Variants in PEBP4 observed in about 807,000 individuals in gnomAD.
PEBP4 encodes the protein phosphatidylethanolamine-binding protein 4.
A neutral mutation model predicts 23.9 loss-of-function variants in PEBP4; 22 were observed. That is an observed-to-expected ratio of 0.92 (90% confidence interval 0.66 to 1.31). PEBP4 has a LOEUF of 1.31. Among genes scored for constraint, PEBP4 ranks in the 40% most tolerant of loss-of-function variants. The pLI, the probability that PEBP4 is intolerant of heterozygous loss-of-function variation, is 0.00. For synonymous variants in PEBP4, 112 were observed against 99.3 expected (o/e 1.13, Z -0.76); for missense variants, 324 against 281.7 (o/e 1.15, Z -1.07).
At chr8:22,869,812 CATG>C (rs1234559301) in intron 3 of PEBP4, among the ~76,000 whole-genome samples, 1 of 152,166 alleles carries the variant, frequency 6.6e-6, no homozygotes, top group Non-Finnish European at 1.5e-5. Context: ...AAAAGGTGCT[CATG>C]ATATGTCACT....
intron 4 of PEBP4, among the ~76,000 whole-genome samples, chr8:22,745,164 A>G (rs1362566432): frequency 1.3e-5 from 2 of 152,174 alleles, no homozygotes; most frequent in Non-Finnish European, 2.9e-5. Context: ...GCCCGTCTAG[A>G]TCTTCCCAGC....
chr8:22,759,825 C>T lies in PEBP4; in HGVS notation c.358-32605G>A, dbSNP rs1037163653. 5.9e-5 allele frequency among the ~76,000 whole-genome samples: 9 copies of T among 152,234 alleles called. No homozygotes were observed. In the South Asian group the frequency reaches 1.2e-3, roughly 21 times the overall value. Reference sequence around the variant, plus strand: ...GAAGGGCTCAACTGGGAACAGCCTCCCAGGCTGCAACATAGCAGTGTGACA... The same window carrying T: ...GAAGGGCTCAACTGGGAACAGCCTCTCAGGCTGCAACATAGCAGTGTGACA... On this transcript the variant is annotated intron_variant, in intron 4 of 6. Transcript: ENST00000256404.
intron 4 of PEBP4, among the ~76,000 whole-genome samples, chr8:22,736,917 C>T (rs1485108674): frequency 6.6e-6 from 1 of 152,180 alleles, no homozygotes; most frequent in Non-Finnish European, 1.5e-5. Context: ...TTCTTGTCTT[C>T]TTATGTGATT....
chr8:22,827,300 A>AT (rs1316833256), intron 3 of PEBP4, among the ~76,000 whole-genome samples: 1 of 152,220 alleles, frequency 6.6e-6, no homozygotes, highest in African/African-American at 2.4e-5. Context: ...TTTTAAAAAA[A>AT]TGTACAAAGT....
At chr8:22,725,395 C>A (rs989720231) in intron 5 of PEBP4, among the ~76,000 whole-genome samples, 2 of 151,528 alleles carry the variant, frequency 1.3e-5, no homozygotes, top group African/African-American at 4.8e-5. Context: ...CCCAAAGAAG[C>A]CAATTTCTTG....
chr8:22,721,883 C>A (rs560868559), intron 6 of PEBP4, among the ~76,000 whole-genome samples: 3 of 152,268 alleles, frequency 2.0e-5, no homozygotes, highest in Admixed American at 6.5e-5. Flanking sequence ...CTTCAGAGAG[C>A]ACCAGGCCCT....
At chr8:22,848,661 G>T (rs1008956598) in intron 3 of PEBP4, among the ~76,000 whole-genome samples, 3 of 152,156 alleles carry the variant, frequency 2.0e-5, no homozygotes, top group African/African-American at 4.8e-5. Context: ...AGGTGGGAGG[G>T]AGGAGAGAGA....
chr8:22,811,838 T>TG (rs1563224143), intron 4 of PEBP4, among the ~76,000 whole-genome samples: 1 of 152,234 alleles, frequency 6.6e-6, no homozygotes, highest in Non-Finnish European at 1.5e-5. Context: ...TGAGCTGTGT[T>TG]GGGCACTGTC....
chr8:22,934,908 T>C (rs1809513956), intron 1 of PEBP4, among the ~76,000 whole-genome samples: 1 of 152,030 alleles, frequency 6.6e-6, no homozygotes, highest in Admixed American at 6.6e-5. Flanking sequence ...ACAAATAGAT[T>C]GAAAGAGAAA....
rs1274068703 is a variant in PEBP4 at position 22,758,261 on chromosome 8, T to C, written c.358-31041A>G. 2.0e-5 allele frequency: 3 copies of C among 152,220 alleles called. No individual in the cohort carries two copies. In the East Asian group the frequency reaches 5.8e-4, roughly 29 times the overall value. The allele number at this position is 152,220 out of a possible 1,614,324, so 9.4% of individuals were successfully genotyped here. A position where few individuals can be genotyped will look rare whatever the true frequency, so the allele number is the denominator to read the frequency against. On this transcript the variant is annotated intron_variant, in intron 4 of 6. Coordinates refer to ENST00000256404, the MANE Select transcript of PEBP4 (RefSeq NM_144962.3). ...CATCCATCTTCCCTCCGGTGACCCT[T>C]TCACTTCGTGTCTGTGGTACCCAGT...
At chr8:22,728,424 G>A (rs1804660424) in intron 4 of PEBP4, among the ~76,000 whole-genome samples, 1 of 152,170 alleles carries the variant, frequency 6.6e-6, no homozygotes, top group Non-Finnish European at 1.5e-5. Context: ...GCAGGAGACT[G>A]TGGAAGGATA....
chr8:22,817,450 C>G (rs1170403276), intron 4 of PEBP4, among the ~76,000 whole-genome samples, 187 bp downstream of exon 4: 1 of 152,238 alleles, frequency 6.6e-6, no homozygotes, highest in Non-Finnish European at 1.5e-5. Context: ...CAGCATACCA[C>G]TGGCCCTGGG....
intron 4 of PEBP4, among the ~76,000 whole-genome samples, chr8:22,772,865 T>C (rs1805743160): frequency 6.6e-6 from 1 of 152,184 alleles, no homozygotes; most frequent in Non-Finnish European, 1.5e-5. Flanking sequence ...GGAAGGTCCT[T>C]GTGAAGGCCT....
At chr8:22,899,117 G>A (rs925554211) in intron 3 of PEBP4, among the ~76,000 whole-genome samples, 19 of 152,324 alleles carry the variant, frequency 1.2e-4, no homozygotes, top group African/African-American at 4.6e-4. Flanking sequence ...GGAAAATGGG[G>A]GAAGTAGCAG....
chr8:22,890,353 C>T (rs1808469060), intron 3 of PEBP4, among the ~76,000 whole-genome samples: 2 of 152,228 alleles, frequency 1.3e-5, no homozygotes, highest in African/African-American at 4.8e-5. Context: ...GCTGCTGGTC[C>T]ACGGACCACA....
chr8:22,857,913 C>T (rs1289058441), intron 3 of PEBP4, among the ~76,000 whole-genome samples: 1 of 152,128 alleles, frequency 6.6e-6, no homozygotes, highest in Non-Finnish European at 1.5e-5. Flanking sequence ...AGGAATTGTC[C>T]GTCACCTGAC....
chr8:22,821,316 CAGGGATT>C (rs1806852571), intron 3 of PEBP4, among the ~76,000 whole-genome samples: 1 of 152,164 alleles, frequency 6.6e-6, no homozygotes, highest in Admixed American at 6.5e-5. Flanking sequence ...AGAAAGACCA[CAGGGATT>C]TCCATTCAAA....
chr8:22,856,916 A>C (rs1807664785), intron 3 of PEBP4, among the ~76,000 whole-genome samples: 1 of 152,076 alleles, frequency 6.6e-6, no homozygotes, highest in Admixed American at 6.6e-5. Flanking sequence ...TCAATGTCCA[A>C]CAAAGGGGAA....
At chr8:22,733,773 A>C (rs1236081232) in intron 4 of PEBP4, among the ~76,000 whole-genome samples, 1 of 119,912 alleles carries the variant, frequency 8.3e-6, no homozygotes, top group Non-Finnish European at 1.7e-5. Flanking sequence ...GGTGAAATGT[A>C]GGGGTGGGGA....
Sources: gnomAD v4.1 joint callset for allele counts (sites outside exome capture counted in the v4.1 genomes callset) on GRCh38, gnomAD v4.1.1 for gene constraint, MANE v1.5 for transcripts, NCBI Gene and HGNC (gene_info 2026-07-23, HGNC 2026-07-21) for gene names.